Variants in STK33 observed in about 807,000 individuals in gnomAD.
STK33 encodes the protein serine/threonine-protein kinase 33.
A neutral mutation model predicts 58.0 loss-of-function variants in STK33; 52 were observed. The observed-to-expected ratio is 0.90, with a 90% CI of 0.72 to 1.13. The LOEUF is 1.13. STK33 is among the 50% of genes most tolerant of loss of function. STK33 has a pLI of 0.00. For missense variants in STK33, 630 were observed against 604.2 expected (o/e 1.04, Z -0.45); for synonymous variants, 215 against 200.1 (o/e 1.07, Z -0.63).
intron 7 of STK33, among the ~76,000 whole-genome samples, chr11:8,462,440 T>TACACACACAC (rs201221789): frequency 5.5e-3 from 697 of 126,444 alleles, no homozygotes; most frequent in South Asian, 9.2e-3. Flanking sequence ...TATATACATA[T>TACACACACAC]ATACACACAC....
the STK33 span, among the ~76,000 whole-genome samples, chr11:8,338,961 G>C: frequency 6.6e-6 from 1 of 152,186 alleles, no homozygotes; most frequent in Non-Finnish European, 1.5e-5. Context: ...GAACCTGCAA[G>C]TGTGCAGGCC....
chr11:8,574,265 C>A (rs1958026393), intron 1 of STK33, among the ~76,000 whole-genome samples: 1 of 152,092 alleles, frequency 6.6e-6, no homozygotes, highest in African/African-American at 2.4e-5. Flanking sequence ...AACCTTGATT[C>A]CTAGTATGAT....
At chr11:8,420,876 G>A (rs572149013) in intron 14 of STK33, among the ~76,000 whole-genome samples, 24 of 151,496 alleles carry the variant, frequency 1.6e-4, no homozygotes, top group African/African-American at 4.8e-4. Flanking sequence ...GGTGCATGCC[G>A]GTAGTCTCAG....
At chr11:8,591,729 G>C (rs899092443) in intron 1 of STK33, among the ~76,000 whole-genome samples, 12 of 151,330 alleles carry the variant, frequency 7.9e-5, no homozygotes, top group Non-Finnish European at 1.8e-4. Context: ...GCAAACTATC[G>C]CAAGGACAAA....
intron 11 of STK33, among the ~76,000 whole-genome samples, chr11:8,447,863 G>A (rs1352584673): frequency 6.6e-6 from 1 of 152,150 alleles, no homozygotes; most frequent in Non-Finnish European, 1.5e-5. Flanking sequence ...GTTTGCAGAT[G>A]ACATGATTGT....
chr11:8,534,558 CTCTCTCTCTCTG>C (rs1459910189), intron 1 of STK33, among the ~76,000 whole-genome samples: 78 of 130,556 alleles, frequency 6.0e-4, no homozygotes, highest in African/African-American at 2.4e-3. Flanking sequence ...CTCTCTCTCT[CTCTCTCTCTCTG>C]TGTGTGTGTG....
chr11:8,474,444 A>G (rs1333893760), intron 5 of STK33, among the ~76,000 whole-genome samples: 1 of 152,246 alleles, frequency 6.6e-6, no homozygotes, highest in Non-Finnish European at 1.5e-5. Flanking sequence ...AGAAGTTGGT[A>G]TAACGTGTTT....
chr11:8,376,934 C>T, the STK33 span, among the ~76,000 whole-genome samples: 1 of 152,184 alleles, frequency 6.6e-6, no homozygotes, highest in Admixed American at 6.5e-5. Flanking sequence ...AAGTCCTCAA[C>T]AGTCTGACTG....
the STK33 span, among the ~76,000 whole-genome samples, chr11:8,356,385 A>G: frequency 6.6e-6 from 1 of 152,110 alleles, no homozygotes; most frequent in African/African-American, 2.4e-5. Flanking sequence ...GGGGGCCTCA[A>G]ACTCCTCCAA....
chr11:8,487,199 G>A (rs148384780), intron 1 of STK33, among the ~76,000 whole-genome samples: 45 of 152,160 alleles, frequency 3.0e-4, no homozygotes, highest in Non-Finnish European at 4.7e-4. Context: ...AGAGGCTGGT[G>A]GACTGCTTGC....
chr11:8,572,423 G>A (rs1957889897), intron 1 of STK33, among the ~76,000 whole-genome samples: 1 of 152,104 alleles, frequency 6.6e-6, no homozygotes, highest in Non-Finnish European at 1.5e-5. Context: ...AATCCATAAT[G>A]TCTTGCAACC....
chr11:8,453,828 C>A (rs1946558628), intron 10 of STK33, among the ~76,000 whole-genome samples: 1 of 152,184 alleles, frequency 6.6e-6, no homozygotes, highest in African/African-American at 2.4e-5. Context: ...GAATCAATTT[C>A]TCCATTAGTT....
At chr11:8,550,744 T>C (rs1265812074) in intron 1 of STK33, among the ~76,000 whole-genome samples, 1 of 152,192 alleles carries the variant, frequency 6.6e-6, no homozygotes, top group Non-Finnish European at 1.5e-5. Flanking sequence ...GGCTTTGTTG[T>C]CCATATCACC....
chr11:8,371,261 T>C, the STK33 span, among the ~76,000 whole-genome samples: 1 of 151,710 alleles, frequency 6.6e-6, no homozygotes, highest in Admixed American at 6.6e-5. Context: ...ATGACTGGTG[T>C]CCTTAGAGGA....
chr11:8,577,839 G>T (rs1958295287), intron 1 of STK33, among the ~76,000 whole-genome samples: 1 of 151,874 alleles, frequency 6.6e-6, no homozygotes. Flanking sequence ...CCATTTTCTG[G>T]ATATACTCAA....
chr11:8,415,749 C>A (rs1394301899), intron 14 of STK33, among the ~76,000 whole-genome samples: 2 of 152,072 alleles, frequency 1.3e-5, no homozygotes, highest in Non-Finnish European at 2.9e-5. Context: ...ACCATCAGGT[C>A]CAACAAAATT....
intron 4 of STK33, among the ~76,000 whole-genome samples, chr11:8,476,082 A>C (rs1335141846): frequency 6.6e-6 from 1 of 152,200 alleles, no homozygotes; most frequent in Non-Finnish European, 1.5e-5. Flanking sequence ...TTTATAAAAG[A>C]TATTGCTAGT....
intron 7 of STK33, among the ~76,000 whole-genome samples, chr11:8,464,358 G>C (rs1412885664): frequency 6.6e-6 from 1 of 152,186 alleles, no homozygotes; most frequent in African/African-American, 2.4e-5. Context: ...AAAATCAGGA[G>C]AGAGTATCTG....
intron 1 of STK33, among the ~76,000 whole-genome samples, chr11:8,514,030 T>C (rs764424701): frequency 9.9e-5 from 15 of 152,132 alleles, no homozygotes; most frequent in Non-Finnish European, 1.9e-4. Context: ...TTACTTGTCT[T>C]AGTATTTTAG....
Sources: allele counts gnomAD v4.1 joint callset (sites outside exome capture counted in the v4.1 genomes callset), GRCh38; gene constraint gnomAD v4.1.1; transcripts MANE v1.5; gene names NCBI Gene and HGNC (gene_info 2026-07-23, HGNC 2026-07-21).